Variants in FRMD3 observed in about 807,000 individuals in gnomAD.
The protein encoded by FRMD3 is FERM domain-containing protein 3.
In FRMD3, 33 loss-of-function variants were observed where a neutral mutation model predicts 70.2. The ratio of observed to expected loss-of-function variants is 0.47; its 90% CI spans 0.36 to 0.63. FRMD3 has a LOEUF of 0.63. Among genes scored for constraint, FRMD3 ranks in the 20% least tolerant of loss-of-function variants. FRMD3 has a pLI of 0.00. For missense variants in FRMD3, 632 were observed against 711.4 expected (o/e 0.89, Z 1.27); for synonymous variants, 279 against 255.9 (o/e 1.09, Z -0.86).
intron 13 of FRMD3, among the ~76,000 whole-genome samples, chr9:83,277,323 A>C (rs1312174374): frequency 6.6e-6 from 1 of 152,144 alleles, no homozygotes; most frequent in Non-Finnish European, 1.5e-5. Context: ...TGGTTTTTAA[A>C]TTTTATTTGT....
At chr9:83,543,417 C>T (rs961739410), upstream of FRMD3, among the ~76,000 whole-genome samples, 8 of 152,104 alleles carry the variant, frequency 5.3e-5, no homozygotes, top group African/African-American at 1.2e-4. Context: ...GCTTATGCAT[C>T]GGTGTGGGCG....
At position 83,427,176 on chromosome 9, in the gene FRMD3, T is replaced by A. The variant is rs566429057; in HGVS notation, c.148-37468A>T. Among the ~76,000 whole-genome samples, 6 of 152,242 alleles carry A rather than the reference T, an allele frequency of 3.9e-5. No homozygotes were observed. In the East Asian group the frequency reaches 1.2e-3, roughly 29 times the overall value. On this transcript the variant is annotated intron_variant, in intron 1 of 13. Transcript: ENST00000304195. ...TGTAATCTGTGGAATCAGAAACCCA[T>A]GAGAATGGCCTGAGGAGTATAGGCT...
At chr9:83,310,743 C>T (rs1195805529) in intron 8 of FRMD3, among the ~76,000 whole-genome samples, 195 bp from the exon 9 acceptor site, 2 of 152,176 alleles carry the variant, frequency 1.3e-5, no homozygotes, top group African/African-American at 2.4e-5. Context: ...AGAGAGGATC[C>T]GCACAGAGCT....
chr9:83,363,042 T>C lies in FRMD3; in HGVS notation c.295+9871A>G, dbSNP rs554989164. 3.1e-4 allele frequency among the ~76,000 whole-genome samples: 47 copies of C among 152,120 alleles called. No individual in the cohort carries two copies. In the South Asian group the frequency reaches 9.6e-3, roughly 31 times the overall value. ...TCCTTCCTCCCTTCCTTCCTTGTTTTGCATAAAGATTTCTCTCCTTTTGCT... is the reference window on the plus strand; with the variant it reads ...TCCTTCCTCCCTTCCTTCCTTGTTTCGCATAAAGATTTCTCTCCTTTTGCT... On this transcript the variant is annotated intron_variant, in intron 3 of 13. Transcript: ENST00000304195.
chr9:83,274,400 C>A (rs1319766376), intron 13 of FRMD3, among the ~76,000 whole-genome samples: 1 of 152,014 alleles, frequency 6.6e-6, no homozygotes, highest in African/African-American at 2.4e-5. Context: ...GTTTTAAGTA[C>A]CCTGAGGAAG....
At chr9:83,344,907 T>C (rs888199990) in intron 4 of FRMD3, among the ~76,000 whole-genome samples, 10 of 151,778 alleles carry the variant, frequency 6.6e-5, no homozygotes, top group African/African-American at 2.4e-4. Context: ...TAAACGTCTC[T>C]AGCGCCCAAG....
the FRMD3 span, among the ~76,000 whole-genome samples, chr9:83,573,319 T>C: frequency 6.6e-5 from 10 of 152,178 alleles, no homozygotes; most frequent in African/African-American, 2.2e-4. Flanking sequence ...AAAAAGCCTA[T>C]AGGCTAAGAA....
intron 13 of FRMD3, among the ~76,000 whole-genome samples, chr9:83,261,084 T>C (rs915536531): frequency 7.1e-5 from 9 of 127,258 alleles, no homozygotes; most frequent in African/African-American, 2.7e-4. Flanking sequence ...CAGGAAAGTA[T>C]CCACAAAAGG....
intron 6 of FRMD3, among the ~76,000 whole-genome samples, chr9:83,316,161 CTT>C (rs34851421): frequency 2.0e-3 from 220 of 112,588 alleles, no homozygotes; most frequent in Non-Finnish European, 3.1e-3. Flanking sequence ...TTTTTTTTTT[CTT>C]TTTTTTTTTT....
At chr9:83,293,505 C>T (rs991210475) in intron 12 of FRMD3, among the ~76,000 whole-genome samples, 3 of 152,150 alleles carry the variant, frequency 2.0e-5, no homozygotes, top group Admixed American at 6.5e-5. Context: ...CCTCGGTGAG[C>T]CTTTATGAGC....
intron 3 of FRMD3, among the ~76,000 whole-genome samples, chr9:83,364,283 G>T (rs1390033970): frequency 6.6e-6 from 1 of 152,176 alleles, no homozygotes; most frequent in African/African-American, 2.4e-5. Context: ...CTCTGGCTGG[G>T]CACGGTGGCT....
intron 1 of FRMD3, among the ~76,000 whole-genome samples, chr9:83,434,074 G>T (rs2131380322): frequency 6.6e-6 from 1 of 152,318 alleles, no homozygotes; most frequent in South Asian, 2.1e-4. Context: ...AAAGACATCT[G>T]CAGGGAGGCA....
chr9:83,412,421 TA>T (rs1391587540), intron 1 of FRMD3, among the ~76,000 whole-genome samples: 2 of 152,224 alleles, frequency 1.3e-5, no homozygotes, highest in Non-Finnish European at 2.9e-5. Flanking sequence ...TTAAGATATA[TA>T]GTATGAGTTT....
At chr9:83,309,947 C>A (rs541090994) in intron 9 of FRMD3, among the ~76,000 whole-genome samples, 1 of 152,148 alleles carries the variant, frequency 6.6e-6, no homozygotes, top group Non-Finnish European at 1.5e-5. Context: ...CCTTGAGGAA[C>A]TAGTACTTGG....
chr9:83,443,629 G>A (rs1375980985), intron 1 of FRMD3, among the ~76,000 whole-genome samples: 1 of 152,224 alleles, frequency 6.6e-6, no homozygotes, highest in Non-Finnish European at 1.5e-5. Context: ...ATAGTAGCAT[G>A]ATTTATAATC....
chr9:83,424,643 G>GA (rs906004720), intron 1 of FRMD3, among the ~76,000 whole-genome samples: 2 of 152,192 alleles, frequency 1.3e-5, no homozygotes, highest in Non-Finnish European at 2.9e-5. Flanking sequence ...CATCACAATA[G>GA]AAAAAATCCC....
At chr9:83,415,365 A>G (rs1826401812) in intron 1 of FRMD3, among the ~76,000 whole-genome samples, 1 of 152,150 alleles carries the variant, frequency 6.6e-6, no homozygotes, top group East Asian at 1.9e-4. Context: ...AATCCCTTTT[A>G]AAATACGCAG....
chr9:83,579,721 G>A, the FRMD3 span, among the ~76,000 whole-genome samples: 272 of 152,148 alleles, frequency 1.8e-3, 3 homozygotes, highest in African/African-American at 6.2e-3. Flanking sequence ...ACATTAGCCT[G>A]GGCGCAATGG....
intron 1 of FRMD3, among the ~76,000 whole-genome samples, chr9:83,403,092 C>A (rs1206362492): frequency 6.6e-6 from 1 of 151,676 alleles, no homozygotes; most frequent in South Asian, 2.1e-4. Flanking sequence ...TTAGTAGAGA[C>A]GGGGTTTCAT....
Sources: allele counts gnomAD v4.1 joint callset (sites outside exome capture counted in the v4.1 genomes callset), GRCh38; gene constraint gnomAD v4.1.1; transcripts MANE v1.5; gene names NCBI Gene and HGNC (gene_info 2026-07-23, HGNC 2026-07-21).